The following ANKS1B variants were observed in gnomAD, a reference collection of about 807,000 sequenced individuals.
ANKS1B encodes the protein ankyrin repeat and sterile alpha motif domain-containing protein 1B.
A neutral mutation model predicts 148.3 loss-of-function variants in ANKS1B; 36 were observed. That is an observed-to-expected ratio of 0.24 (90% CI 0.19 to 0.32). The LOEUF (loss-of-function observed/expected upper bound fraction) is 0.32, where lower values mean the gene tolerates loss of function less well. ANKS1B is among the 10% of genes least tolerant of loss of function. The pLI, the probability that ANKS1B is intolerant of heterozygous loss-of-function variation, is 1.00. For synonymous variants in ANKS1B, 542 were observed against 560.8 expected (o/e 0.97, Z 0.47); for missense variants, 1,157 against 1,542.6 (o/e 0.75, Z 4.19).
chr12:98,905,562 G>A (rs996720930), intron 17 of ANKS1B, among the ~76,000 whole-genome samples: 9 of 152,102 alleles, frequency 5.9e-5, no homozygotes, highest in African/African-American at 2.2e-4. Context: ...TTGAGTTCAG[G>A]AGTTTGAGAC....
chr12:98,959,656 G>A (rs2099868015), intron 17 of ANKS1B, among the ~76,000 whole-genome samples: 1 of 152,186 alleles, frequency 6.6e-6, no homozygotes, highest in South Asian at 2.1e-4. Flanking sequence ...GGCCACAGTG[G>A]AGTAGAGCAC....
chr12:99,734,911 C>T (rs2059479953), intron 8 of ANKS1B, among the ~76,000 whole-genome samples: 2 of 152,142 alleles, frequency 1.3e-5, no homozygotes, highest in Admixed American at 1.3e-4. Flanking sequence ...CATACATCAA[C>T]TCCATCCCTC....
At chr12:99,463,321 G>A (rs534896289) in intron 10 of ANKS1B, among the ~76,000 whole-genome samples, 2 of 152,296 alleles carry the variant, frequency 1.3e-5, no homozygotes, top group East Asian at 1.9e-4. Context: ...CAAGATGGCC[G>A]AATAGGAACA....
At chr12:98,787,541 C>T (rs79759742) in intron 22 of ANKS1B, among the ~76,000 whole-genome samples, 3 of 152,228 alleles carry the variant, frequency 2.0e-5, no homozygotes, top group African/African-American at 7.2e-5. Flanking sequence ...TCATAGGATT[C>T]GATCTAATGG....
intron 1 of ANKS1B, among the ~76,000 whole-genome samples, chr12:99,885,477 G>T (rs2092774775): frequency 6.6e-6 from 1 of 151,830 alleles, no homozygotes; most frequent in Non-Finnish European, 1.5e-5. Flanking sequence ...ATTTTTTTGT[G>T]TATTTTTGGT....
At chr12:99,593,432 T>C (rs899257837) in intron 9 of ANKS1B, among the ~76,000 whole-genome samples, 1 of 152,082 alleles carries the variant, frequency 6.6e-6, no homozygotes, top group African/African-American at 2.4e-5. Context: ...ATATAATTTA[T>C]AAAGAATACC....
In ANKS1B at chr12:99,088,847, T is replaced by TTTTTG. The variant is rs1555230478; in HGVS notation, c.2527-3825_2527-3824insCAAAA. Among the ~76,000 whole-genome samples the TTTTTG allele has an allele frequency of 2.9e-5, 4 of 137,328 alleles. No individual in the cohort carries two copies. In the Admixed American group the frequency reaches 3.0e-4, roughly 10 times the overall value. 90.1% of individuals were successfully genotyped at this position (137,328 alleles called of 152,430 possible). A position where few individuals can be genotyped will look rare whatever the true frequency, so the allele number is the denominator to read the frequency against. Reference sequence around the variant, plus strand: ...TCTCAGTTTAACTTCTGTTTTTTTTTTTTTTTTTTTTTTTTGAGATGGAGT... The same window carrying TTTTTG: ...TCTCAGTTTAACTTCTGTTTTTTTTTTTTTGTTTTTTTTTTTTTTTGAGATGGAGT... On this transcript the variant is annotated intron_variant, in intron 15 of 26. Transcript: ENST00000683438.
chr12:99,740,874 C>A, intron 8 of ANKS1B, among the ~76,000 whole-genome samples: 1 of 152,088 alleles, frequency 6.6e-6, no homozygotes, highest in East Asian at 1.9e-4. Flanking sequence ...GGCCCAGATA[C>A]TACACTTTTC....
At chr12:99,542,757 G>C (rs1414753310) in intron 9 of ANKS1B, among the ~76,000 whole-genome samples, 1 of 152,040 alleles carries the variant, frequency 6.6e-6, no homozygotes, top group South Asian at 2.1e-4. Flanking sequence ...TCAACAAATG[G>C]TGCTGGGATA....
At chr12:98,894,770 C>A (rs913015517) in intron 17 of ANKS1B, 1 of 985,350 alleles carries the variant, frequency 1.0e-6, no homozygotes, top group Non-Finnish European at 1.2e-6. Flanking sequence ...CCAGCGAATG[C>A]GAGCGGCGAG....
chr12:98,782,236 G>A, intron 22 of ANKS1B, 99 bp from the exon 23 acceptor site: 1 of 1,038,998 alleles, frequency 9.6e-7, no homozygotes, highest in Non-Finnish European at 1.4e-6. Context: ...CACCAACAGT[G>A]TAAATTCATT....
intron 25 of ANKS1B, among the ~76,000 whole-genome samples, chr12:98,772,230 G>A (rs2098595466): frequency 6.6e-6 from 1 of 152,192 alleles, no homozygotes; most frequent in African/African-American, 2.4e-5. Context: ...GGCTGTATTT[G>A]AAGATAGTGC....
chr12:99,308,164 G>A (rs2082616446), intron 12 of ANKS1B, among the ~76,000 whole-genome samples: 1 of 151,996 alleles, frequency 6.6e-6, no homozygotes. Context: ...TAATTCTATA[G>A]AAATTATAGA....
intron 17 of ANKS1B, among the ~76,000 whole-genome samples, chr12:98,975,285 T>C (rs1049476317): frequency 1.3e-4 from 19 of 141,006 alleles, no homozygotes; most frequent in African/African-American, 4.2e-4. Flanking sequence ...CCCTTCCTTT[T>C]TTCTCTACCT....
chr12:99,817,834 G>A (rs540341808), intron 2 of ANKS1B, among the ~76,000 whole-genome samples: 1 of 151,712 alleles, frequency 6.6e-6, no homozygotes, highest in South Asian at 2.1e-4. Context: ...ATAATCGTTT[G>A]CCCATTTTTA....
chr12:99,257,952 A>G (rs2075472854), intron 12 of ANKS1B, among the ~76,000 whole-genome samples: 1 of 152,184 alleles, frequency 6.6e-6, no homozygotes, highest in African/African-American at 2.4e-5. Context: ...AGAGAGCAAG[A>G]GTGACTGGAG....
chr12:99,693,707 C>A (rs1311877833), intron 8 of ANKS1B, among the ~76,000 whole-genome samples: 1 of 151,638 alleles, frequency 6.6e-6, no homozygotes, highest in African/African-American at 2.4e-5. Context: ...AGAGAAGATA[C>A]CAGGCATCCA....
At chr12:99,191,299 G>A (rs949152575) in intron 14 of ANKS1B, among the ~76,000 whole-genome samples, 7 of 152,124 alleles carry the variant, frequency 4.6e-5, no homozygotes, top group African/African-American at 1.7e-4. Context: ...ATTCCTCAAG[G>A]ATCTAGAACC....
At chr12:99,947,810 A>G (rs2095107939) in intron 1 of ANKS1B, among the ~76,000 whole-genome samples, 1 of 152,066 alleles carries the variant, frequency 6.6e-6, no homozygotes, top group South Asian at 2.1e-4. Flanking sequence ...CACACAGCAA[A>G]TAGGACTGAA....
Sources: gnomAD v4.1 joint callset for allele counts (sites outside exome capture counted in the v4.1 genomes callset) on GRCh38, gnomAD v4.1.1 for gene constraint, MANE v1.5 for transcripts, NCBI Gene and HGNC (gene_info 2026-07-23, HGNC 2026-07-21) for gene names.